Variants in PTH2R observed in about 807,000 individuals in gnomAD.
The protein encoded by PTH2R is PTH2 receptor.
Under a neutral mutation model 60.3 loss-of-function variants are expected in PTH2R, and 59 were observed. The ratio of observed to expected loss-of-function variants is 0.98; its 90% CI spans 0.79 to 1.22. PTH2R has a LOEUF of 1.22. PTH2R is among the 50% of genes most tolerant of loss of function. PTH2R has a pLI of 0.00. For missense variants in PTH2R, 749 were observed against 682.6 expected, an observed-to-expected ratio of 1.10 and a Z score of -1.08; for synonymous variants, 256 against 243.8, an observed-to-expected ratio of 1.05 and a Z score of -0.47.
intron 6 of PTH2R, among the ~76,000 whole-genome samples, chr2:208,444,237 G>A (rs1702244265): frequency 6.6e-6 from 1 of 152,170 alleles, no homozygotes; most frequent in South Asian, 2.1e-4. Flanking sequence ...GAGCCTAGCC[G>A]AGACAAGCCT....
intron 1 of PTH2R, among the ~76,000 whole-genome samples, chr2:208,397,629 TTA>T (rs1212993959): frequency 6.6e-6 from 1 of 152,058 alleles, no homozygotes; most frequent in Admixed American, 6.6e-5. Context: ...AAACAGCCAT[TTA>T]TATGAGGAGG....
Position 208,493,373 on chromosome 2 carries a change from C to A in PTH2R, c.1367C>A (p.Thr456Lys). The A allele has an allele frequency of 6.2e-7, 1 of 1,607,814 alleles. No homozygotes were observed. Residue 456 changes from threonine to lysine, a missense_variant, in exon 13 of 13, where the codon ACG becomes AAG. By Grantham distance (78) the Thr-to-Lys change is moderately conservative. Transcript: ENST00000272847. ...TGCGGCTCAGTGCTCACCACCGTGA[C>A]GCACAGCACCAGCAGCCAGTCACAG... is the stretch of plus-strand genomic sequence containing the variant. ...RRCGSVLTTV[T>K]HSTSSQSQVA...
intron 2 of PTH2R, among the ~76,000 whole-genome samples, chr2:208,434,761 T>A (rs2105862333): frequency 6.6e-6 from 1 of 152,296 alleles, no homozygotes; most frequent in African/African-American, 2.4e-5. Flanking sequence ...AAAGGTGAAT[T>A]GAAAGATATC....
chr2:208,439,309 AT>A (rs1173159238), intron 4 of PTH2R, among the ~76,000 whole-genome samples: 5 of 152,114 alleles, frequency 3.3e-5, no homozygotes, highest in African/African-American at 1.2e-4. Flanking sequence ...AATTTGAAGA[AT>A]TGTGTTAGTA....
At chr2:208,396,853 A>C (rs1701218821) in intron 1 of PTH2R, among the ~76,000 whole-genome samples, 1 of 152,214 alleles carries the variant, frequency 6.6e-6, no homozygotes, top group Admixed American at 6.5e-5. Flanking sequence ...TGACACATGC[A>C]TATGTATGTT....
chr2:208,408,173 TATTTTGTTAATAAATAA>T (rs1299818328), intron 1 of PTH2R, among the ~76,000 whole-genome samples: 2 of 152,252 alleles, frequency 1.3e-5, no homozygotes. Context: ...CATGTAGATT[TATTTTGTTAATAAATAA>T]ATTTTGTTAA....
chr2:208,456,861 A>T (rs774297288), intron 8 of PTH2R, among the ~76,000 whole-genome samples: 5 of 152,250 alleles, frequency 3.3e-5, no homozygotes, highest in Non-Finnish European at 7.3e-5. Context: ...TTCTTTAAAA[A>T]GTTTGAAATC....
intron 1 of PTH2R, among the ~76,000 whole-genome samples, chr2:208,366,779 C>T (rs560544829): frequency 3.8e-4 from 58 of 152,244 alleles, no homozygotes; most frequent in African/African-American, 1.2e-3. Flanking sequence ...ATTTTAAGTT[C>T]GGCTTAAAGG....
intron 1 of PTH2R, among the ~76,000 whole-genome samples, chr2:208,382,823 G>A (rs1278325652): frequency 6.6e-6 from 1 of 152,156 alleles, no homozygotes; most frequent in Non-Finnish European, 1.5e-5. Context: ...TTATTAGCCT[G>A]GCATTGACCA....
intron 9 of PTH2R, among the ~76,000 whole-genome samples, chr2:208,477,985 C>G (rs572118832): frequency 1.5e-4 from 8 of 53,522 alleles, no homozygotes; most frequent in African/African-American, 3.6e-4. Flanking sequence ...ACTAGCACTA[C>G]TACTAGTACT....
chr2:208,457,912 G>T (rs141038636), intron 8 of PTH2R, among the ~76,000 whole-genome samples: 11 of 152,064 alleles, frequency 7.2e-5, no homozygotes, highest in Admixed American at 7.2e-4. Context: ...AAGTAAGTTC[G>T]TGATAAGTTC....
At chr2:208,370,135 A>G (rs1024801511) in intron 1 of PTH2R, among the ~76,000 whole-genome samples, 1 of 152,054 alleles carries the variant, frequency 6.6e-6, no homozygotes, top group Non-Finnish European at 1.5e-5. Flanking sequence ...AATTGTGTCT[A>G]ATCTATATCA....
intron 2 of PTH2R, among the ~76,000 whole-genome samples, chr2:208,431,071 C>A (rs544401835): frequency 2.6e-5 from 4 of 152,218 alleles, no homozygotes; most frequent in African/African-American, 9.6e-5. Flanking sequence ...AATATGGGAC[C>A]TACTCATACT....
chr2:208,363,948 C>T (rs1700529992), intron 1 of PTH2R, among the ~76,000 whole-genome samples: 1 of 152,128 alleles, frequency 6.6e-6, no homozygotes, highest in Admixed American at 6.5e-5. Context: ...AATATTTTCT[C>T]CCATTCCATA....
chr2:208,453,962 G>A (rs970743932), intron 8 of PTH2R, among the ~76,000 whole-genome samples: 5 of 152,054 alleles, frequency 3.3e-5, no homozygotes, highest in African/African-American at 1.2e-4. Context: ...AATCTTGACC[G>A]CCCATCTCCT....
At chr2:208,463,136 C>T (rs972613728) in intron 9 of PTH2R, among the ~76,000 whole-genome samples, 6 of 152,162 alleles carry the variant, frequency 3.9e-5, no homozygotes, top group African/African-American at 9.7e-5. Flanking sequence ...ACTTGGCATA[C>T]ACATTTTCCT....
At chr2:208,385,993 G>A (rs773318746) in intron 1 of PTH2R, among the ~76,000 whole-genome samples, 29 of 152,146 alleles carry the variant, frequency 1.9e-4, no homozygotes, top group Non-Finnish European at 3.7e-4. Flanking sequence ...ATATTCTGCT[G>A]GCAATAGTTT....
Position 208,493,763 on chromosome 2 carries a change from T to G in PTH2R, c.*104T>G. The G allele has an allele frequency of 1.5e-6, 2 of 1,315,426 alleles. No individual in the cohort carries two copies. Among genetic ancestry groups the G allele is most frequent in the Non-Finnish European group, 2.0e-6 (2 of 977,052 alleles). The allele number at this position is 1,315,426 out of a possible 1,614,324, so 81.5% of individuals were successfully genotyped here. On this transcript the variant is annotated 3_prime_UTR_variant, in exon 13 of 13. Coordinates refer to ENST00000272847, the MANE Select transcript of PTH2R (RefSeq NM_005048.4). Reference sequence around the variant, plus strand: ...TGAGTTCAAAGGCTGAAAATTCAGTTAAGGTGTTACTTAATAATAGTTTTT... The same window carrying G: ...TGAGTTCAAAGGCTGAAAATTCAGTGAAGGTGTTACTTAATAATAGTTTTT...
chr2:208,455,243 A>G (rs1702486956), intron 8 of PTH2R, among the ~76,000 whole-genome samples: 1 of 152,204 alleles, frequency 6.6e-6, no homozygotes, highest in Admixed American at 6.5e-5. Context: ...AGAGGTACTA[A>G]TTAATGCTAT....
Sources: gnomAD v4.1 joint callset for allele counts (sites outside exome capture counted in the v4.1 genomes callset) on GRCh38, gnomAD v4.1.1 for gene constraint, MANE v1.5 for transcripts, NCBI Gene and HGNC (gene_info 2026-07-23, HGNC 2026-07-21) for gene names.